The following CR1 variants were observed in gnomAD, a reference collection of about 807,000 sequenced individuals.
The protein encoded by CR1 is complement C3b/C4b receptor 1 (Knops blood group).
A neutral mutation model predicts 187.3 loss-of-function variants in CR1; 116 were observed. The observed-to-expected ratio is 0.62, with a 90% CI of 0.53 to 0.72. The LOEUF (loss-of-function observed/expected upper bound fraction) is 0.72. Among genes scored for constraint, CR1 ranks in the 30% least tolerant of loss-of-function variants. CR1 has a pLI of 0.00. For missense variants in CR1, 1,731 were observed against 2,110.7 expected (o/e 0.82, Z 3.52); for synonymous variants, 576 against 747.1 (o/e 0.77, Z 3.73).
chr1:207,638,563 G>A (rs1269027466), intron 46 of CR1, among the ~76,000 whole-genome samples: 1 of 152,166 alleles, frequency 6.6e-6, no homozygotes, highest in Non-Finnish European at 1.5e-5. Flanking sequence ...TCTGAGACCC[G>A]ACTTGCCCAA....
chr1:207,523,691 G>A lies in CR1; in HGVS notation c.568G>A (p.Val190Met). 2 of 1,613,656 alleles carry A rather than the reference G, an allele frequency of 1.2e-6. No homozygotes were observed. Among genetic ancestry groups the A allele is most frequent in the South Asian group, 2.2e-5 (2 of 91,068 alleles). Residue 190 changes from valine (V) to methionine (M), a missense_variant, in exon 5 of 47, where the codon GTG becomes ATG. Transcript: ENST00000367049. ...CAGAGAGAATTTTCACTATGGATCA[G>A]TGGTGACCTACCGCTGCAATCCTGG... ...TNRENFHYGSVVTYRCNPGSG... is the reference protein window; with the variant it reads ...TNRENFHYGSMVTYRCNPGSG...
At chr1:207,503,452 G>A (rs1659335641) in intron 1 of CR1, among the ~76,000 whole-genome samples, 1 of 152,184 alleles carries the variant, frequency 6.6e-6, no homozygotes, top group African/African-American at 2.4e-5. Flanking sequence ...ATAGGGCTGT[G>A]TTCCTTGTGG....
At chr1:207,627,201 C>G (rs904130230) in intron 45 of CR1, among the ~76,000 whole-genome samples, 2 of 152,150 alleles carry the variant, frequency 1.3e-5, no homozygotes, top group Non-Finnish European at 1.5e-5. Flanking sequence ...GACCCCACCC[C>G]CACATTCCTA....
intron 3 of CR1, chr1:207,507,146 A>G (rs1659464803): frequency 4.7e-6 from 1 of 212,304 alleles, no homozygotes; most frequent in South Asian, 9.1e-5. Flanking sequence ...AGGGAAGGCC[A>G]TTGAGTAACT....
At chr1:207,622,953 A>T in intron 44 of CR1, 40 bp from the exon 45 acceptor site, 1 of 1,399,736 alleles carries the variant, frequency 7.1e-7, no homozygotes, top group Non-Finnish European at 9.9e-7. Context: ...CCTGTAAGTT[A>T]TATTTTCCAT....
chr1:207,634,224 T>C (rs762100708), intron 46 of CR1, among the ~76,000 whole-genome samples: 1 of 152,242 alleles, frequency 6.6e-6, no homozygotes, highest in Non-Finnish European at 1.5e-5. Context: ...AAATTTCATT[T>C]ATCCTCAACT....
At chr1:207,621,943 G>A in intron 43 of CR1, 30 bp from the exon 44 acceptor site, 2 of 1,579,452 alleles carry the variant, frequency 1.3e-6, no homozygotes, top group Non-Finnish European at 1.7e-6. Context: ...ATGCCAGAGT[G>A]ATGTTTTGTG....
chr1:207,580,637 T>C (rs1293464815), intron 31 of CR1, 24 bp downstream of exon 31: 1 of 1,593,740 alleles, frequency 6.3e-7, no homozygotes, highest in Non-Finnish European at 8.6e-7. Flanking sequence ...AGAATTCAGA[T>C]CAGGGACTCA....
intron 4 of CR1, among the ~76,000 whole-genome samples, chr1:207,513,930 C>T (rs1330079543): frequency 6.6e-6 from 1 of 152,092 alleles, no homozygotes; most frequent in East Asian, 1.9e-4. Flanking sequence ...AAGTTTAAAA[C>T]ATTTCACCAT....
intron 40 of CR1, 68 bp from the exon 41 acceptor site, chr1:207,616,507 G>A (rs1662099166): frequency 1.6e-5 from 25 of 1,524,120 alleles, no homozygotes; most frequent in Middle Eastern, 1.7e-4. Flanking sequence ...CACAGTCACA[G>A]GTCACTATTG....
intron 31 of CR1, among the ~76,000 whole-genome samples, chr1:207,581,241 C>T (rs1009018907): frequency 6.7e-6 from 1 of 149,328 alleles, no homozygotes; most frequent in Non-Finnish European, 1.5e-5. Flanking sequence ...TAGACGTATA[C>T]ATATGGACAC....
intron 4 of CR1, among the ~76,000 whole-genome samples, chr1:207,518,168 C>A (rs1296665590): frequency 6.6e-6 from 1 of 151,960 alleles, no homozygotes; most frequent in Non-Finnish European, 1.5e-5. Flanking sequence ...TACATAAAAG[C>A]TTTCTAATTT....
At position 207,572,760 on chromosome 1, in the gene CR1, G is replaced by A. The variant is rs377079556; in HGVS notation, c.4451+2814G>A. On this transcript the variant is annotated intron_variant, in intron 27 of 46. Transcript: ENST00000367049. ...AAAATCAAGGTTTTGGGAGGGCCAC[G>A]CTCCCTCTGAATCCTGTAGGGAAGG... is the stretch of plus-strand genomic sequence containing the variant. 7.4e-5 allele frequency among the ~76,000 whole-genome samples: 11 copies of A among 149,216 alleles called. No individual in the cohort carries two copies. The South Asian group carries it at 1.1e-3, about 15-fold the overall frequency.
chr1:207,496,514 T>TG (rs1282248529), intron 1 of CR1, 126 bp downstream of exon 1: 5 of 976,904 alleles, frequency 5.1e-6, no homozygotes, highest in Non-Finnish European at 7.1e-6. Flanking sequence ...GCGCGATGGG[T>TG]GGGCTGAGCG....
intron 45 of CR1, 79 bp downstream of exon 45, chr1:207,623,147 A>T: frequency 1.0e-6 from 1 of 995,834 alleles, no homozygotes. Flanking sequence ...TAAAAGACAA[A>T]CAAACCCATT....
At chr1:207,500,759 T>G (rs1230139715) in intron 1 of CR1, among the ~76,000 whole-genome samples, 1 of 152,232 alleles carries the variant, frequency 6.6e-6, no homozygotes, top group Non-Finnish European at 1.5e-5. Context: ...CATTTTACTC[T>G]TAGGTTTTTA....
chr1:207,510,831 T>C (rs1018110418), intron 3 of CR1, among the ~76,000 whole-genome samples: 37 of 151,082 alleles, frequency 2.4e-4, no homozygotes, highest in Non-Finnish European at 7.4e-5. Context: ...TACTTTCTTT[T>C]TTTTTTTTGA....
intron 35 of CR1, among the ~76,000 whole-genome samples, chr1:207,593,565 T>A (rs1401035955): frequency 6.6e-6 from 1 of 152,160 alleles, no homozygotes; most frequent in Non-Finnish European, 1.5e-5. Flanking sequence ...ACTTCATTAC[T>A]AAAACACCAA....
At chr1:207,636,388 A>AG (rs998949118) in intron 46 of CR1, among the ~76,000 whole-genome samples, 1 of 152,180 alleles carries the variant, frequency 6.6e-6, no homozygotes, top group African/African-American at 2.4e-5. Context: ...TGTTCCCTGT[A>AG]GATGGCATCT....
Sources: allele counts gnomAD v4.1 joint callset (sites outside exome capture counted in the v4.1 genomes callset), GRCh38; gene constraint gnomAD v4.1.1; transcripts MANE v1.5; gene names NCBI Gene and HGNC (gene_info 2026-07-23, HGNC 2026-07-21).